The following RAPGEF2 variants were observed in gnomAD, a reference collection of about 807,000 sequenced individuals.
The protein encoded by RAPGEF2 is PDZ domain containing guanine nucleotide exchange factor (GEF) 1.
Under a neutral mutation model 186.7 loss-of-function variants are expected in RAPGEF2, and 54 were observed. The ratio of observed to expected loss-of-function variants is 0.29; its 90% confidence interval spans 0.23 to 0.36. The LOEUF (loss-of-function observed/expected upper bound fraction) is 0.36. RAPGEF2 is among the 10% of genes least tolerant of loss of function. The pLI, the probability that RAPGEF2 is intolerant of heterozygous loss-of-function variation, is 1.00. For missense variants in RAPGEF2, 1,532 were observed against 2,045.0 expected, an observed-to-expected ratio of 0.75 and a Z score of 4.84; for synonymous variants, 712 against 705.9, an observed-to-expected ratio of 1.01 and a Z score of -0.14.
chr4:159,356,153 A>G lies in RAPGEF2; in HGVS notation c.4952A>G (p.Glu1651Gly), dbSNP rs371414049. 2.6e-5 allele frequency: 42 copies of G among 1,613,494 alleles called. No homozygotes were observed. The African/African-American group carries it at 4.5e-4, about 17-fold the overall frequency. ...PYQSQGFSTE[E>G]DEDEQVSAV ...CAGTCCCAAGGGTTTTCCACCGAGG[A>G]GGATGGTATATGCACATAAATATTC... Residue 1651 changes from glutamate to glycine, a missense_variant, in exon 29 of 30, where the codon GAG becomes GGG. Physicochemically the swap from Glu to Gly is moderately conservative, Grantham distance 98. Transcript: ENST00000691494.
chr4:159,163,216 A>G (rs762365214), intron 1 of RAPGEF2, among the ~76,000 whole-genome samples: 1 of 152,208 alleles, frequency 6.6e-6, no homozygotes, highest in South Asian at 2.1e-4. Flanking sequence ...ATAATTTTAT[A>G]CATTATTATT....
chr4:159,106,629 A>T (rs1048616222), intron 1 of RAPGEF2, among the ~76,000 whole-genome samples: 2 of 152,232 alleles, frequency 1.3e-5, no homozygotes, highest in Non-Finnish European at 2.9e-5. Flanking sequence ...GTTTCTGAGG[A>T]TAGACTCGAT....
At chr4:159,322,561 C>G (rs141032989) in intron 10 of RAPGEF2, 78 bp downstream of exon 10, 34 of 1,283,948 alleles carry the variant, frequency 2.6e-5, no homozygotes, top group Non-Finnish European at 3.6e-5. Context: ...AACCCCAATT[C>G]TTACTTTTTC....
At chr4:159,244,186 A>G (rs1311681893) in intron 7 of RAPGEF2, among the ~76,000 whole-genome samples, 1 of 151,956 alleles carries the variant, frequency 6.6e-6, no homozygotes, top group African/African-American at 2.4e-5. Flanking sequence ...AGAAATTTAC[A>G]TTTTAAATAC....
chr4:159,346,032 C>A (rs1409557243), intron 24 of RAPGEF2, among the ~76,000 whole-genome samples: 1 of 152,104 alleles, frequency 6.6e-6, no homozygotes, highest in Non-Finnish European at 1.5e-5. Context: ...AGCACTGTGT[C>A]ATGGTGAAGA....
At chr4:159,300,706 C>T (rs1012702016) in intron 7 of RAPGEF2, among the ~76,000 whole-genome samples, 13 of 152,078 alleles carry the variant, frequency 8.5e-5, no homozygotes, top group African/African-American at 3.1e-4. Context: ...TCAATTTAAT[C>T]TGTAATTTAA....
intron 8 of RAPGEF2, among the ~76,000 whole-genome samples, chr4:159,309,184 C>T (rs1763656323): frequency 6.6e-6 from 1 of 152,140 alleles, no homozygotes; most frequent in Admixed American, 6.6e-5. Flanking sequence ...ATGTTTTCTC[C>T]TAGCTTGATC....
chr4:159,188,593 G>A (rs950827923), intron 2 of RAPGEF2, among the ~76,000 whole-genome samples: 7 of 151,154 alleles, frequency 4.6e-5, no homozygotes, highest in Admixed American at 1.3e-4. Flanking sequence ...GAACCTGGGA[G>A]GCAGAGGTTG....
intron 4 of RAPGEF2, among the ~76,000 whole-genome samples, chr4:159,237,613 GT>G (rs1301483610): frequency 6.6e-6 from 1 of 151,998 alleles, no homozygotes; most frequent in African/African-American, 2.4e-5. Context: ...GTCCCTCACA[GT>G]GCCTAATTAA....
intron 8 of RAPGEF2, 69 bp from the exon 9 acceptor site, chr4:159,314,522 C>T: frequency 7.2e-7 from 1 of 1,384,090 alleles, no homozygotes; most frequent in Non-Finnish European, 9.6e-7. Flanking sequence ...GAGGCTTGCT[C>T]TTGTTTCTTT....
intron 7 of RAPGEF2, among the ~76,000 whole-genome samples, chr4:159,278,506 A>G (rs903260276): frequency 2.0e-5 from 3 of 152,220 alleles, no homozygotes; most frequent in Non-Finnish European, 4.4e-5. Context: ...GAAGGCGGGA[A>G]TCTGACTTAG....
intron 4 of RAPGEF2, among the ~76,000 whole-genome samples, chr4:159,232,128 AAT>A (rs1752709662): frequency 6.6e-6 from 1 of 152,120 alleles, no homozygotes; most frequent in Admixed American, 6.5e-5. Flanking sequence ...AATTATGTAA[AAT>A]ATGTCATTTT....
At chr4:159,158,352 A>T (rs1488754692) in intron 1 of RAPGEF2, among the ~76,000 whole-genome samples, 3 of 152,200 alleles carry the variant, frequency 2.0e-5, no homozygotes, top group Non-Finnish European at 4.4e-5. Context: ...AAAGGAAGAC[A>T]TATCCCTTTC....
intron 7 of RAPGEF2, among the ~76,000 whole-genome samples, chr4:159,244,337 G>A (rs1754360437): frequency 1.3e-5 from 2 of 151,714 alleles, no homozygotes; most frequent in South Asian, 4.1e-4. Flanking sequence ...TTTCTTATTT[G>A]CACTTTATTT....
At chr4:159,221,007 G>A (rs1256082469) in intron 4 of RAPGEF2, among the ~76,000 whole-genome samples, 1 of 152,194 alleles carries the variant, frequency 6.6e-6, no homozygotes, top group African/African-American at 2.4e-5. Flanking sequence ...GGAAGGTAAT[G>A]GAAGGAGGAG....
intron 9 of RAPGEF2, among the ~76,000 whole-genome samples, chr4:159,321,201 C>T (rs1013482234): frequency 1.7e-5 from 2 of 116,544 alleles, no homozygotes; most frequent in Non-Finnish European, 3.5e-5. Context: ...CATGTCACTG[C>T]CACTTTTTTT....
At chr4:159,328,328 TG>T (rs1434807150) in intron 11 of RAPGEF2, 3 of 152,176 alleles carry the variant, frequency 2.0e-5, no homozygotes, top group African/African-American at 7.2e-5. Flanking sequence ...AAAATTAATG[TG>T]ATACTATAAG....
At chr4:159,114,203 A>G (rs1294309319) in intron 1 of RAPGEF2, among the ~76,000 whole-genome samples, 1 of 151,390 alleles carries the variant, frequency 6.6e-6, no homozygotes, top group East Asian at 1.9e-4. Context: ...TGCTGGGTTC[A>G]AGTGATTCTC....
intron 7 of RAPGEF2, among the ~76,000 whole-genome samples, chr4:159,281,514 A>G (rs1252585853): frequency 1.3e-5 from 2 of 151,570 alleles, no homozygotes; most frequent in Admixed American, 6.6e-5. Flanking sequence ...TACTTAAAAT[A>G]TTAAAAATTA....
Sources: allele counts gnomAD v4.1 joint callset (sites outside exome capture counted in the v4.1 genomes callset), GRCh38; gene constraint gnomAD v4.1.1; transcripts MANE v1.5; gene names NCBI Gene and HGNC (gene_info 2026-07-23, HGNC 2026-07-21).